COL5A2: variants seen among roughly 807,000 people sequenced by gnomAD.
COL5A2 encodes the protein collagen alpha-2(V) chain.
Under a neutral mutation model 208.2 loss-of-function variants are expected in COL5A2, and 23 were observed. The ratio of observed to expected loss-of-function variants is 0.11; its 90% CI spans 0.08 to 0.16. The LOEUF (loss-of-function observed/expected upper bound fraction) is 0.16, where lower values mean the gene tolerates loss of function less well. COL5A2 is among the 10% of genes least tolerant of loss of function. The probability of loss-of-function intolerance (pLI) is 1.00; values close to 1 mark genes in which losing one functional copy is unlikely to be tolerated. For missense variants in COL5A2, 1,590 were observed against 1,956.4 expected (o/e 0.81, Z 3.53); for synonymous variants, 625 against 628.5 (o/e 0.99, Z 0.08).
the COL5A2 span, among the ~76,000 whole-genome samples, chr2:189,362,938 T>C: frequency 6.6e-6 from 1 of 152,108 alleles, no homozygotes; most frequent in Non-Finnish European, 1.5e-5. Context: ...AGCCAGTTTT[T>C]GGATCAGCTA....
the COL5A2 span, among the ~76,000 whole-genome samples, chr2:189,407,684 C>G: frequency 6.6e-6 from 1 of 152,012 alleles, no homozygotes; most frequent in Non-Finnish European, 1.5e-5. Flanking sequence ...AATCACCTAC[C>G]CAGAGACATA....
intron 1 of COL5A2, among the ~76,000 whole-genome samples, chr2:189,152,541 C>T (rs187480082): frequency 1.7e-3 from 262 of 152,272 alleles, no homozygotes; most frequent in African/African-American, 5.6e-3. Context: ...AGTCAGGTGT[C>T]CAGGTGTGGA....
At chr2:189,107,087 T>C (rs1351336101) in intron 2 of COL5A2, among the ~76,000 whole-genome samples, 1 of 151,524 alleles carries the variant, frequency 6.6e-6, no homozygotes, top group African/African-American at 2.4e-5. Flanking sequence ...TAGTAAAACT[T>C]TGAAAGTTTG....
the COL5A2 span, among the ~76,000 whole-genome samples, chr2:189,352,656 G>A: frequency 3.3e-5 from 5 of 152,136 alleles, no homozygotes; most frequent in Non-Finnish European, 7.4e-5. Flanking sequence ...CTTTTTTCTT[G>A]TAAATGTGTT....
At chr2:189,275,861 G>A in the COL5A2 span, among the ~76,000 whole-genome samples, 1 of 152,056 alleles carries the variant, frequency 6.6e-6, no homozygotes, top group Non-Finnish European at 1.5e-5. Flanking sequence ...ATTACTATTA[G>A]TTTACTCTGT....
intron 6 of COL5A2, 104 bp downstream of exon 6, chr2:189,097,173 A>C (rs964768152): frequency 3.0e-6 from 3 of 998,744 alleles, no homozygotes; most frequent in Non-Finnish European, 4.8e-6. Context: ...AATTTAATGG[A>C]GGTGAAAGAG....
At chr2:189,110,180 G>T in intron 2 of COL5A2, 45 bp downstream of exon 2, 1 of 1,325,250 alleles carries the variant, frequency 7.5e-7, no homozygotes, top group East Asian at 2.3e-5. Flanking sequence ...CAACTATAAA[G>T]GTGAGTAACT....
the COL5A2 span, among the ~76,000 whole-genome samples, chr2:189,415,125 C>T: frequency 3.3e-5 from 5 of 152,154 alleles, no homozygotes; most frequent in South Asian, 2.1e-4. Context: ...CTAATAAATG[C>T]CACTGAAAGA....
chr2:189,404,025 C>G, the COL5A2 span, among the ~76,000 whole-genome samples: 1 of 152,172 alleles, frequency 6.6e-6, no homozygotes, highest in African/African-American at 2.4e-5. Context: ...GCCACCATGC[C>G]AGGCCCAGCT....
chr2:189,229,778 T>C (rs1444487801), upstream of COL5A2, among the ~76,000 whole-genome samples: 2 of 151,854 alleles, frequency 1.3e-5, no homozygotes, highest in African/African-American at 4.8e-5. Flanking sequence ...ACAGATTTAA[T>C]ACAATCTCTA....
the COL5A2 span, among the ~76,000 whole-genome samples, chr2:189,245,468 A>G: frequency 6.8e-6 from 1 of 147,760 alleles, no homozygotes; most frequent in African/African-American, 2.5e-5. Context: ...AAGATTAATT[A>G]AGGTATACTC....
chr2:189,076,623 A>G (rs1686410902), intron 16 of COL5A2, among the ~76,000 whole-genome samples: 1 of 152,200 alleles, frequency 6.6e-6, no homozygotes, highest in South Asian at 2.1e-4. Context: ...AGAGAGAAGA[A>G]AAAGCTGAAT....
intron 1 of COL5A2, among the ~76,000 whole-genome samples, chr2:189,116,188 T>C (rs1423342573): frequency 6.6e-6 from 1 of 152,140 alleles, no homozygotes; most frequent in Non-Finnish European, 1.5e-5. Flanking sequence ...GGTGGCCTCA[T>C]GAAGTGGAGA....
At chr2:189,163,139 G>A (rs1688401864) in intron 1 of COL5A2, among the ~76,000 whole-genome samples, 3 of 151,700 alleles carry the variant, frequency 2.0e-5, no homozygotes, top group South Asian at 4.2e-4. Flanking sequence ...CTTCTCTCTC[G>A]CCCCATTATT....
intron 1 of COL5A2, among the ~76,000 whole-genome samples, chr2:189,152,301 G>C (rs1436608921): frequency 1.3e-5 from 2 of 152,186 alleles, no homozygotes; most frequent in African/African-American, 4.8e-5. Flanking sequence ...ACAATAATAG[G>C]TAAGGTCAGC....
chr2:189,438,766 T>C, the COL5A2 span, among the ~76,000 whole-genome samples: 14 of 152,312 alleles, frequency 9.2e-5, no homozygotes, highest in East Asian at 1.7e-3. Context: ...TTGTGCATCA[T>C]AGATATCAAA....
chr2:189,066,731 G>A lies in COL5A2; in HGVS notation c.1453C>T (p.Pro485Ser), dbSNP rs757065474. ...FKGEAGPKGE[P>S]GPHGIQGPIG... ...TCATTAAAACAATGAAACCTTACTG[G>A]TTCCCCTTTTGGGCCAGCTTCTCCT... The change falls in exon 22 of 54, where the codon CCA becomes TCA. Residue 485 changes from proline (P) to serine (S), a missense_variant and splice_region_variant. By Grantham distance (74) the Pro-to-Ser change is moderately conservative. Transcript: ENST00000374866. The A allele has an allele frequency of 6.2e-7, 1 of 1,612,058 alleles. No individual in the cohort carries two copies. The highest frequency in any genetic ancestry group is 1.7e-5 in the Admixed American group (1 of 59,970).
chr2:189,087,178 G>A (rs1001011933), intron 8 of COL5A2, among the ~76,000 whole-genome samples: 5 of 150,656 alleles, frequency 3.3e-5, no homozygotes, highest in African/African-American at 1.2e-4. Context: ...ACTTAAATAA[G>A]TTGAATTAAA....
chr2:189,185,117 G>A (rs571624662), intron 1 of COL5A2, among the ~76,000 whole-genome samples: 12 of 151,956 alleles, frequency 7.9e-5, no homozygotes, highest in East Asian at 5.8e-4. Context: ...TCCGCCTCCC[G>A]GGTTCAAACG....
Sources: allele counts gnomAD v4.1 joint callset (sites outside exome capture counted in the v4.1 genomes callset), GRCh38; gene constraint gnomAD v4.1.1; transcripts MANE v1.5; gene names NCBI Gene and HGNC (gene_info 2026-07-23, HGNC 2026-07-21).